The following CDK19 variants were observed in gnomAD, a reference collection of about 807,000 sequenced individuals.
The protein encoded by CDK19 is cyclin dependent kinase 19.
Under a neutral mutation model 68.3 loss-of-function variants are expected in CDK19, and 20 were observed. That is an observed-to-expected ratio of 0.29 (90% CI 0.21 to 0.43). The LOEUF is 0.43. Ranked by LOEUF, CDK19 falls within the 20% of genes least tolerant of loss-of-function variation. CDK19 has a pLI of 1.00. For synonymous variants in CDK19, 221 were observed against 222.8 expected (o/e 0.99, Z 0.07); for missense variants, 339 against 623.5 (o/e 0.54, Z 4.86).
At chr6:110,760,844 T>A (rs915373224) in intron 1 of CDK19, among the ~76,000 whole-genome samples, 1 of 152,212 alleles carries the variant, frequency 6.6e-6, no homozygotes, top group African/African-American at 2.4e-5. Flanking sequence ...TCGCTCTATA[T>A]CACAAAGCTC....
At chr6:110,624,291 T>C (rs1778948230) in intron 8 of CDK19, among the ~76,000 whole-genome samples, 2 of 152,226 alleles carry the variant, frequency 1.3e-5, no homozygotes, top group South Asian at 2.1e-4. Context: ...TTAGTGATGT[T>C]CTAATTCCTA....
At position 110,678,251 on chromosome 6, in the gene CDK19, A is replaced by C. The variant is rs563712037; in HGVS notation, c.205-7710T>G. On this transcript the variant is annotated intron_variant, in intron 2 of 12. Transcript: ENST00000368911. ...GATCTCATCTAGTCTGCGGGCTTTA[A>C]ATGTCACCCATATGCATTAACTCCC... 3.9e-5 allele frequency among the ~76,000 whole-genome samples: 6 copies of C among 152,074 alleles called. No homozygotes were observed. The South Asian group carries it at 1.0e-3, about 26-fold the overall frequency.
At chr6:110,731,652 C>T (rs957703800) in intron 2 of CDK19, among the ~76,000 whole-genome samples, 1 of 152,150 alleles carries the variant, frequency 6.6e-6, no homozygotes, top group African/African-American at 2.4e-5. Context: ...GGGTCTTTTC[C>T]AGTCTCTCTC....
chr6:110,643,225 C>A, intron 4 of CDK19: 1 of 1,282,856 alleles, frequency 7.8e-7, no homozygotes, highest in Non-Finnish European at 1.0e-6. Flanking sequence ...AATACATTTT[C>A]CAGCTAAAAG....
chr6:110,812,478 C>A (rs903400190), intron 1 of CDK19, among the ~76,000 whole-genome samples: 1 of 152,098 alleles, frequency 6.6e-6, no homozygotes, highest in African/African-American at 2.4e-5. Context: ...GCATTTCCAG[C>A]CTCTTATAAA....
At chr6:110,747,222 C>T (rs1778139785) in intron 1 of CDK19, among the ~76,000 whole-genome samples, 1 of 152,122 alleles carries the variant, frequency 6.6e-6, no homozygotes, top group Non-Finnish European at 1.5e-5. Context: ...GCAGATAGAG[C>T]AGTTTAGGAT....
intron 1 of CDK19, among the ~76,000 whole-genome samples, chr6:110,749,603 G>A (rs1163603384): frequency 2.0e-5 from 3 of 151,466 alleles, no homozygotes; most frequent in African/African-American, 4.9e-5. Context: ...CAAGTGATCC[G>A]CCCACCTCAG....
At chr6:110,620,706 T>G (rs1457541420) in intron 12 of CDK19, among the ~76,000 whole-genome samples, 1 of 152,196 alleles carries the variant, frequency 6.6e-6, no homozygotes, top group Non-Finnish European at 1.5e-5. Flanking sequence ...AGCTACTTCC[T>G]CCCAGAAAGA....
chr6:110,785,712 G>A (rs1372204845), intron 1 of CDK19, among the ~76,000 whole-genome samples: 2 of 152,072 alleles, frequency 1.3e-5, no homozygotes, highest in Non-Finnish European at 2.9e-5. Flanking sequence ...CGGGCGCGGT[G>A]GCTCACACCT....
chr6:110,752,757 A>G (rs1040925669), intron 1 of CDK19, among the ~76,000 whole-genome samples: 1 of 151,732 alleles, frequency 6.6e-6, no homozygotes, highest in Non-Finnish European at 1.5e-5. Context: ...GTATGGAGAC[A>G]GGGTCTCACT....
At chr6:110,654,770 A>G (rs4324811) in intron 4 of CDK19, among the ~76,000 whole-genome samples, 5 of 152,008 alleles carry the variant, frequency 3.3e-5, no homozygotes, top group African/African-American at 9.7e-5. Flanking sequence ...GAGAAAACCC[A>G]CCTCTACTAA....
intron 2 of CDK19, among the ~76,000 whole-genome samples, chr6:110,677,553 G>C (rs1448120117): frequency 2.1e-5 from 3 of 140,062 alleles, no homozygotes; most frequent in African/African-American, 8.0e-5. Context: ...GAAGCAGAGA[G>C]AGACCCCATC....
intron 1 of CDK19, among the ~76,000 whole-genome samples, chr6:110,801,846 G>C (rs977001559): frequency 3.9e-5 from 6 of 152,034 alleles, no homozygotes; most frequent in African/African-American, 1.4e-4. Context: ...ATAAGAAAAA[G>C]ACAACCCTAT....
In CDK19 at chr6:110,613,158, G is replaced by T. The variant is rs768707615; in HGVS notation, c.*1377C>A. The stretch of plus-strand genomic sequence containing the variant: ...TCCTTTTGACTCTGGGGAGTGAGGG[G>T]CTCCTTAAAGCAGCTAAGAAAGAAC... On this transcript the variant is annotated 3_prime_UTR_variant, in exon 13 of 13. Coordinates refer to ENST00000368911, the MANE Select transcript of CDK19 (RefSeq NM_015076.5). 9.2e-5 allele frequency: 14 copies of T among 152,512 alleles called. No homozygotes were observed. Among genetic ancestry groups the T allele is most frequent in the Non-Finnish European group, 8.8e-5 (6 of 68,016 alleles). The allele number at this position is 152,512 out of a possible 1,614,324, so 9.4% of individuals were successfully genotyped here.
At chr6:110,682,966 A>T (rs1295754645) in intron 2 of CDK19, among the ~76,000 whole-genome samples, 2 of 152,112 alleles carry the variant, frequency 1.3e-5, no homozygotes, top group African/African-American at 4.8e-5. Flanking sequence ...ACCTGAGGTC[A>T]GGAGTTCGAG....
At chr6:110,666,720 G>GC (rs1781967092) in intron 4 of CDK19, among the ~76,000 whole-genome samples, 2 of 152,116 alleles carry the variant, frequency 1.3e-5, no homozygotes, top group African/African-American at 4.8e-5. Flanking sequence ...AAATCACGTT[G>GC]TGGGGCCAAA....
intron 6 of CDK19, among the ~76,000 whole-genome samples, chr6:110,630,093 T>C (rs1779348317): frequency 6.6e-6 from 1 of 152,240 alleles, no homozygotes; most frequent in Admixed American, 6.5e-5. Context: ...TCTCAAAGTA[T>C]ATGGGTCCCG....
In CDK19 at chr6:110,614,493, C is replaced by G. The variant is rs1339907332; in HGVS notation, c.*42G>C. On this transcript the variant is annotated 3_prime_UTR_variant, in exon 13 of 13. Transcript: ENST00000368911. ...TTTCAATGCAGACATATTGCTGGAG[C>G]CTGTGCTCTGGGCTGGGCTGGCCTG... The G allele has an allele frequency of 3.8e-6, 6 of 1,595,432 alleles. No individual in the cohort carries two copies. The highest frequency in any genetic ancestry group is 5.1e-6 in the Non-Finnish European group (6 of 1,169,022).
chr6:110,689,070 C>G (rs778676033), intron 2 of CDK19, among the ~76,000 whole-genome samples: 1 of 152,140 alleles, frequency 6.6e-6, no homozygotes, highest in Non-Finnish European at 1.5e-5. Flanking sequence ...TAGCAGAATA[C>G]GGTGGGTGTC....
Sources: gnomAD v4.1 joint callset for allele counts (sites outside exome capture counted in the v4.1 genomes callset) on GRCh38, gnomAD v4.1.1 for gene constraint, MANE v1.5 for transcripts, NCBI Gene and HGNC (gene_info 2026-07-23, HGNC 2026-07-21) for gene names.